HRH1: variants seen among roughly 807,000 people sequenced by gnomAD.
HRH1 encodes the protein histamine receptor H1.
HRH1 carries 6 observed loss-of-function variants against 10.3 expected under a neutral mutation model. The ratio of observed to expected loss-of-function variants is 0.58; its 90% confidence interval spans 0.32 to 1.15. The LOEUF is 1.15. HRH1 is among the 50% of genes most tolerant of loss of function. The pLI, the probability that HRH1 is intolerant of heterozygous loss-of-function variation, is 0.05. For missense variants in HRH1, 514 were observed against 615.3 expected, an observed-to-expected ratio of 0.84 and a Z score of 1.74; for synonymous variants, 242 against 236.7, an observed-to-expected ratio of 1.02 and a Z score of -0.21.
intron 1 of HRH1, among the ~76,000 whole-genome samples, chr3:11,143,660 G>A (rs950124328): frequency 6.6e-5 from 10 of 152,166 alleles, no homozygotes; most frequent in South Asian, 2.1e-4. Context: ...AGTAGTAGAT[G>A]AATGGTGACC....
intron 1 of HRH1, among the ~76,000 whole-genome samples, chr3:11,178,651 A>T (rs2125015791): frequency 6.6e-6 from 1 of 152,234 alleles, no homozygotes; most frequent in Admixed American, 6.5e-5. Context: ...GTCCAGGGGC[A>T]TGAAATCCCA....
chr3:11,150,734 C>T (rs1936590923), upstream of HRH1, among the ~76,000 whole-genome samples: 1 of 151,870 alleles, frequency 6.6e-6, no homozygotes, highest in African/African-American at 2.4e-5. Context: ...AAGTAACTTC[C>T]TCTCCCCAGG....
intron 1 of HRH1, among the ~76,000 whole-genome samples, chr3:11,191,072 G>A (rs1490493736): frequency 6.6e-6 from 1 of 152,094 alleles, no homozygotes; most frequent in East Asian, 1.9e-4. Flanking sequence ...TGGCTCAGTG[G>A]CCAGCAACCT....
At chr3:11,227,569 A>G (rs1249652182) in intron 1 of HRH1, among the ~76,000 whole-genome samples, 3 of 152,008 alleles carry the variant, frequency 2.0e-5, no homozygotes, top group African/African-American at 7.3e-5. Context: ...TACAGACGTG[A>G]GCCACCACGC....
chr3:11,202,408 A>C (rs1033219941), intron 1 of HRH1, among the ~76,000 whole-genome samples: 1 of 143,672 alleles, frequency 7.0e-6, no homozygotes, highest in Non-Finnish European at 1.5e-5. Flanking sequence ...CCATCTCAAT[A>C]AATAAATAAA....
At chr3:11,224,273 G>C (rs1452022164) in intron 1 of HRH1, among the ~76,000 whole-genome samples, 1 of 151,770 alleles carries the variant, frequency 6.6e-6, no homozygotes. Context: ...TCACAGTACA[G>C]AGTCAGCTCT....
intron 1 of HRH1, among the ~76,000 whole-genome samples, chr3:11,179,402 C>T (rs1019090429): frequency 1.3e-5 from 2 of 151,720 alleles, no homozygotes; most frequent in Admixed American, 6.6e-5. Context: ...GGGTGGATCA[C>T]GAGGTCAGGA....
chr3:11,234,469 G>A, intron 1 of HRH1: 1 of 1,568,408 alleles, frequency 6.4e-7, no homozygotes, highest in Non-Finnish European at 8.8e-7. Context: ...AGCAGGAAAA[G>A]GCTGACTTGA....
chr3:11,208,572 G>A (rs1938218389), intron 1 of HRH1, among the ~76,000 whole-genome samples: 3 of 152,192 alleles, frequency 2.0e-5, no homozygotes, highest in Admixed American at 2.0e-4. Context: ...AAGCCACTGT[G>A]AACAATCCAG....
rs542759355 is a variant in HRH1 at position 11,237,367 on chromosome 3, G to T, written c.-35-21636G>T. Among the ~76,000 whole-genome samples, 9 of 152,230 alleles carry T rather than the reference G, an allele frequency of 5.9e-5. No homozygotes were observed. In the East Asian group the frequency reaches 7.7e-4, roughly 13 times the overall value. On this transcript the variant is annotated intron_variant, in intron 1 of 1. Coordinates refer to ENST00000431010, the MANE Select transcript of HRH1 (RefSeq NM_001098212.2). ...TTCACAATGGAAAAGAGGATGGAGTGGGGGGAGTATGTGAAGTTCACTGGA... is the reference window on the plus strand; with the variant it reads ...TTCACAATGGAAAAGAGGATGGAGTTGGGGGAGTATGTGAAGTTCACTGGA...
At chr3:11,188,442 C>T (rs956897548) in intron 1 of HRH1, among the ~76,000 whole-genome samples, 2 of 152,062 alleles carry the variant, frequency 1.3e-5, no homozygotes, top group Admixed American at 1.3e-4. Flanking sequence ...GGCATGGTGG[C>T]ACCTTAGAAG....
chr3:11,244,089 A>G (rs1036008547), intron 1 of HRH1, among the ~76,000 whole-genome samples: 2 of 152,334 alleles, frequency 1.3e-5, no homozygotes, highest in East Asian at 1.9e-4. Flanking sequence ...TGGCAGCCCC[A>G]TGATCATCAG....
intron 1 of HRH1, among the ~76,000 whole-genome samples, chr3:11,241,460 AAACGCACC>A (rs1939333289): frequency 4.6e-5 from 7 of 152,086 alleles, no homozygotes; most frequent in African/African-American, 1.5e-4. Context: ...GAGGATTGTA[AAACGCACC>A]AATCAGCACT....
intron 1 of HRH1, among the ~76,000 whole-genome samples, chr3:11,169,071 A>G (rs985818334): frequency 1.3e-5 from 2 of 152,188 alleles, no homozygotes; most frequent in Non-Finnish European, 2.9e-5. Flanking sequence ...TGGTATAGTG[A>G]TTAAAGGCCT....
At chr3:11,198,133 A>G (rs1354576901) in intron 1 of HRH1, among the ~76,000 whole-genome samples, 3 of 152,182 alleles carry the variant, frequency 2.0e-5, no homozygotes, top group African/African-American at 7.2e-5. Flanking sequence ...CAGGCTCCGC[A>G]TCTGCAAGGC....
intron 1 of HRH1, among the ~76,000 whole-genome samples, chr3:11,242,472 C>T (rs1294239075): frequency 4.2e-5 from 4 of 95,856 alleles, no homozygotes; most frequent in Non-Finnish European, 7.4e-5. Flanking sequence ...CAGAGCCAGA[C>T]TCCGTCTCAA....
intron 1 of HRH1, among the ~76,000 whole-genome samples, chr3:11,182,291 T>A (rs184438303): frequency 6.6e-6 from 1 of 152,242 alleles, no homozygotes; most frequent in Non-Finnish European, 1.5e-5. Context: ...CCGTAAAAAT[T>A]CTTATATTTT....
chr3:11,233,852 A>G (rs545864531), intron 1 of HRH1, among the ~76,000 whole-genome samples: 12 of 152,308 alleles, frequency 7.9e-5, no homozygotes, highest in African/African-American at 2.6e-4. Flanking sequence ...TTTTGTTTCT[A>G]TTACTTGTAT....
intron 1 of HRH1, among the ~76,000 whole-genome samples, chr3:11,215,274 A>ATGT (rs1467438621): frequency 2.0e-5 from 3 of 152,212 alleles, no homozygotes; most frequent in Non-Finnish European, 4.4e-5. Flanking sequence ...TTATTGTGTC[A>ATGT]TGTGTAATTC....
Sources: gnomAD v4.1 joint callset for allele counts (sites outside exome capture counted in the v4.1 genomes callset) on GRCh38, gnomAD v4.1.1 for gene constraint, MANE v1.5 for transcripts, NCBI Gene and HGNC (gene_info 2026-07-23, HGNC 2026-07-21) for gene names.